RAB28: variants seen among roughly 807,000 people sequenced by gnomAD.
RAB28 encodes ras-related protein Rab-28.
In RAB28, 24 loss-of-function variants were observed where a neutral mutation model predicts 31.7. That is an observed-to-expected ratio of 0.76 (90% CI 0.55 to 1.06). RAB28 has a LOEUF of 1.06. Ranked by LOEUF, RAB28 falls within the 50% of genes least tolerant of loss-of-function variation. The pLI is 0.00. For missense variants in RAB28, 254 were observed against 258.5 expected (o/e 0.98, Z 0.12); for synonymous variants, 100 against 90.4 (o/e 1.11, Z -0.60).
intron 4 of RAB28, among the ~76,000 whole-genome samples, chr4:13,436,733 T>A (rs542521078): frequency 1.5e-4 from 23 of 152,286 alleles, no homozygotes; most frequent in African/African-American, 5.3e-4. Context: ...AAACATTCTA[T>A]GCTCAAAGAT....
intron 4 of RAB28, among the ~76,000 whole-genome samples, chr4:13,410,778 G>A (rs904016646): frequency 6.6e-6 from 1 of 152,042 alleles, no homozygotes; most frequent in African/African-American, 2.4e-5. Context: ...GGAAAAGAAG[G>A]TTCCATCTTC....
chr4:13,380,684 T>A (rs898809248), intron 5 of RAB28, among the ~76,000 whole-genome samples: 1 of 152,122 alleles, frequency 6.6e-6, no homozygotes, highest in African/African-American at 2.4e-5. Context: ...GGTGATAGCA[T>A]GAATTTAGTC....
At chr4:13,440,852 C>T (rs1224450355) in intron 4 of RAB28, among the ~76,000 whole-genome samples, 2 of 151,662 alleles carry the variant, frequency 1.3e-5, no homozygotes, top group Non-Finnish European at 2.9e-5. Flanking sequence ...GGACACGACA[C>T]ATGCACAGAA....
At chr4:13,391,126 G>A (rs1185637117) in intron 4 of RAB28, among the ~76,000 whole-genome samples, 3 of 152,138 alleles carry the variant, frequency 2.0e-5, no homozygotes, top group Admixed American at 2.0e-4. Context: ...GCAACCTGTA[G>A]AATGGGAGAA....
intron 4 of RAB28, among the ~76,000 whole-genome samples, chr4:13,456,010 A>G (rs1715281364): frequency 6.6e-6 from 1 of 152,242 alleles, no homozygotes; most frequent in Non-Finnish European, 1.5e-5. Flanking sequence ...ACAGCAAAAC[A>G]AAGAAATTTT....
rs1274415452 is a variant in RAB28 at position 13,474,401 on chromosome 4, A to G, written c.178T>C (p.Leu60=). The part of the protein sequence containing the change: ...FLRRITLPGN[L]NVTLQIWDIG... ...TCCCAAATTTGAAGGGTAACATTCA[A>G]GTTTCCTAGAATATAAAAAATGAAT... Residue 60 remains leucine (L), a synonymous_variant, in exon 3 of 7, where the codon TTG becomes CTG. Transcript: ENST00000330852. 2 of 1,555,228 alleles carry G rather than the reference A, an allele frequency of 1.3e-6. No individual in the cohort carries two copies. Among genetic ancestry groups the G allele is most frequent in the Non-Finnish European group, 1.8e-6 (2 of 1,140,398 alleles).
Position 13,466,741 on chromosome 4 carries a change from T to C in RAB28, c.262-5913A>G, listed in dbSNP as rs145898893. 1.0e-3 allele frequency among the ~76,000 whole-genome samples: 154 copies of C among 152,120 alleles called. 1 individual carries two copies. The highest frequency in any genetic ancestry group is 3.0e-3 in the African/African-American group (124 of 41,538). On this transcript the variant is annotated intron_variant, in intron 3 of 6. Coordinates refer to ENST00000330852, the MANE Select transcript of RAB28 (RefSeq NM_001017979.3). Reference sequence around the variant, plus strand: ...AGAGGTTTTTGCACTCCCATGTTTGTTGCAGCACTGTCACAATAGCCAAGC... The same window carrying C: ...AGAGGTTTTTGCACTCCCATGTTTGCTGCAGCACTGTCACAATAGCCAAGC...
Position 13,392,385 on chromosome 4 carries a change from G to T in RAB28, c.392-10791C>A, listed in dbSNP as rs571555295. On this transcript the variant is annotated intron_variant, in intron 4 of 6. Transcript: ENST00000330852. ...TTTCATATCCCAAGAGATGACCTCT[G>T]TTATTATTTTACCAATCCAGAGATG... is the stretch of plus-strand genomic sequence containing the variant. Among the ~76,000 whole-genome samples, 123 of 152,240 alleles carry T rather than the reference G, an allele frequency of 8.1e-4. 1 individual carries two copies. Among genetic ancestry groups the T allele is most frequent in the African/African-American group, 2.9e-3 (122 of 41,544 alleles).
intron 6 of RAB28, chr4:13,371,945 G>T (rs755191279): frequency 4.6e-5 from 62 of 1,350,636 alleles, no homozygotes; most frequent in Non-Finnish European, 1.7e-5. Context: ...AGTGTATACT[G>T]GAAATGGAAG....
chr4:13,401,372 T>C (rs1274825230), intron 4 of RAB28, among the ~76,000 whole-genome samples: 1 of 152,134 alleles, frequency 6.6e-6, no homozygotes, highest in African/African-American at 2.4e-5. Flanking sequence ...TACCATGGCC[T>C]GTTGCGGGGA....
intron 4 of RAB28, among the ~76,000 whole-genome samples, chr4:13,406,336 C>T (rs192725954): frequency 5.9e-5 from 9 of 152,236 alleles, no homozygotes; most frequent in African/African-American, 2.2e-4. Context: ...TGAGCTCATC[C>T]TTTTTCATGG....
intron 4 of RAB28, among the ~76,000 whole-genome samples, chr4:13,423,061 T>G (rs2108923318): frequency 6.6e-6 from 1 of 152,182 alleles, no homozygotes; most frequent in Admixed American, 6.5e-5. Flanking sequence ...TTGAAATGCA[T>G]CAAAGAGAGG....
At chr4:13,446,874 C>T (rs1163071026) in intron 4 of RAB28, among the ~76,000 whole-genome samples, 1 of 152,154 alleles carries the variant, frequency 6.6e-6, no homozygotes, top group Non-Finnish European at 1.5e-5. Flanking sequence ...CTAAACATCT[C>T]CACATATATG....
intron 4 of RAB28, among the ~76,000 whole-genome samples, chr4:13,430,971 C>T (rs1235322158): frequency 6.6e-6 from 1 of 152,210 alleles, no homozygotes; most frequent in African/African-American, 2.4e-5. Context: ...TGGCCTCCCC[C>T]AGTACACTGT....
chr4:13,456,476 A>G (rs891278261), intron 4 of RAB28, among the ~76,000 whole-genome samples: 3 of 152,194 alleles, frequency 2.0e-5, no homozygotes, highest in African/African-American at 7.2e-5. Context: ...TTAATCTTTA[A>G]ATCAGCTTTA....
At chr4:13,384,441 C>T (rs945801166) in intron 4 of RAB28, among the ~76,000 whole-genome samples, 1 of 152,228 alleles carries the variant, frequency 6.6e-6, no homozygotes, top group African/African-American at 2.4e-5. Flanking sequence ...CCTTACGAAA[C>T]ACTTTGGCTA....
chr4:13,383,952 C>A (rs929091964), intron 4 of RAB28, among the ~76,000 whole-genome samples: 1 of 152,170 alleles, frequency 6.6e-6, no homozygotes, highest in African/African-American at 2.4e-5. Context: ...TACTTGCTTG[C>A]AGTGCAGTCT....
At chr4:13,414,643 G>C (rs912327901) in intron 4 of RAB28, among the ~76,000 whole-genome samples, 1 of 152,160 alleles carries the variant, frequency 6.6e-6, no homozygotes, top group Admixed American at 6.5e-5. Flanking sequence ...ACCAGACAAG[G>C]CTGGTACAAA....
At chr4:13,431,174 G>T (rs1327807799) in intron 4 of RAB28, among the ~76,000 whole-genome samples, 1 of 152,192 alleles carries the variant, frequency 6.6e-6, no homozygotes, top group African/African-American at 2.4e-5. Flanking sequence ...AGAGTTGCCT[G>T]CCCTAGACTG....
Sources: allele counts gnomAD v4.1 joint callset (sites outside exome capture counted in the v4.1 genomes callset), GRCh38; gene constraint gnomAD v4.1.1; transcripts MANE v1.5; gene names NCBI Gene and HGNC (gene_info 2026-07-23, HGNC 2026-07-21).